The following PID1 variants were observed in gnomAD, a reference collection of about 807,000 sequenced individuals.
PID1 encodes phosphotyrosine interaction domain containing 1, also known as PTB-containing, cubilin and LRP1-interacting protein.
Under a neutral mutation model 19.1 loss-of-function variants are expected in PID1, and 10 were observed. That is an observed-to-expected ratio of 0.52 (90% CI 0.32 to 0.89). PID1 has a LOEUF of 0.89. Ranked by LOEUF, PID1 falls within the 40% of genes least tolerant of loss-of-function variation. The pLI is 0.03. For missense variants in PID1, 248 were observed against 285.3 expected (o/e 0.87, Z 0.94); for synonymous variants, 130 against 116.0 (o/e 1.12, Z -0.78).
intron 2 of PID1, among the ~76,000 whole-genome samples, chr2:229,074,405 G>A (rs1218763017): frequency 1.3e-5 from 2 of 152,038 alleles, no homozygotes; most frequent in Admixed American, 6.6e-5. Flanking sequence ...ATGAGGAAAA[G>A]GGAAGAAGAG....
chr2:229,173,308 G>A lies in PID1; in HGVS notation c.31-17344C>T, dbSNP rs148296354. On this transcript the variant is annotated intron_variant, in intron 1 of 2. Transcript: ENST00000392055. ...TGGTCACCAAAATGCCAATGGTTTC[G>A]ATAAGCAGTTCGGGCTACTCCCAGG... 4.0e-3 allele frequency among the ~76,000 whole-genome samples: 607 copies of A among 152,256 alleles called. 5 individuals are homozygous for A. Among genetic ancestry groups the A allele is most frequent in the African/African-American group, 0.014 (574 of 41,540 alleles).
Position 229,025,503 on chromosome 2 carries a change from T to C in PID1, c.*129A>G. On this transcript the variant is annotated 3_prime_UTR_variant, in exon 3 of 3. Coordinates refer to ENST00000392055, the MANE Select transcript of PID1 (RefSeq NM_001100818.2). ...TTCTTTAGATTTAGAATTGCTCTTC[T>C]GAATTTAAAAACCTTGGTCAGCCAA... 1.4e-6 allele frequency: 1 copy of C among 706,096 alleles called. No individual in the cohort carries two copies. The allele number at this position is 706,096 out of a possible 1,614,324, so 43.7% of individuals were successfully genotyped here. A position where few individuals can be genotyped will look rare whatever the true frequency, so the allele number is the denominator to read the frequency against.
At chr2:229,243,814 T>C (rs1048821124) in intron 1 of PID1, among the ~76,000 whole-genome samples, 1 of 151,778 alleles carries the variant, frequency 6.6e-6, no homozygotes, top group African/African-American at 2.4e-5. Context: ...ATGAAACTCA[T>C]GTATTTTTAC....
intron 2 of PID1, among the ~76,000 whole-genome samples, chr2:229,039,734 T>C (rs1349385608): frequency 1.3e-5 from 2 of 152,136 alleles, no homozygotes; most frequent in African/African-American, 2.4e-5. Flanking sequence ...TAATGAAAAG[T>C]AAAATGTATG....
At chr2:229,070,315 A>C (rs1694426299) in intron 2 of PID1, among the ~76,000 whole-genome samples, 1 of 152,222 alleles carries the variant, frequency 6.6e-6, no homozygotes, top group Admixed American at 6.5e-5. Flanking sequence ...TAAGACTGCT[A>C]CTTAATCTTT....
intron 1 of PID1, among the ~76,000 whole-genome samples, chr2:229,218,079 C>T (rs1345838399): frequency 2.0e-5 from 3 of 151,978 alleles, no homozygotes; most frequent in Non-Finnish European, 4.4e-5. Flanking sequence ...TGTAATAGTC[C>T]TTTACTTTCA....
At chr2:229,123,773 C>A (rs1053543994) in intron 2 of PID1, among the ~76,000 whole-genome samples, 12 of 152,172 alleles carry the variant, frequency 7.9e-5, no homozygotes, top group African/African-American at 2.7e-4. Flanking sequence ...TAAAGATGTT[C>A]ATCATCTTTT....
chr2:229,066,390 C>T (rs936129810), intron 2 of PID1, among the ~76,000 whole-genome samples: 1 of 152,124 alleles, frequency 6.6e-6, no homozygotes, highest in African/African-American at 2.4e-5. Flanking sequence ...TGAAGGAAGC[C>T]ACTCAGAGGA....
chr2:229,113,968 G>A (rs1162062956), intron 2 of PID1, among the ~76,000 whole-genome samples: 2 of 152,246 alleles, frequency 1.3e-5, no homozygotes, highest in Middle Eastern at 3.4e-3. Context: ...ATGGGAGTCA[G>A]TCTCACCCAG....
intron 2 of PID1, among the ~76,000 whole-genome samples, chr2:229,116,606 T>G (rs1244541459): frequency 2.6e-5 from 4 of 152,106 alleles, no homozygotes; most frequent in Non-Finnish European, 4.4e-5. Context: ...TAAATGGGAG[T>G]TCCTCTGCAC....
At chr2:229,264,048 A>G (rs1176782990) in intron 1 of PID1, among the ~76,000 whole-genome samples, 3 of 152,210 alleles carry the variant, frequency 2.0e-5, no homozygotes, top group Non-Finnish European at 2.9e-5. Context: ...CAATTAAATG[A>G]GAGTCTGCTA....
Position 229,025,250 on chromosome 2 carries a change from C to A in PID1, c.*382G>T. 4.9e-6 allele frequency: 1 copy of A among 203,238 alleles called. No individual in the cohort carries two copies. The allele number at this position is 203,238 out of a possible 1,614,324, so 12.6% of individuals were successfully genotyped here. A position where few individuals can be genotyped will look rare whatever the true frequency, so the allele number is the denominator to read the frequency against. Reference sequence around the variant, plus strand: ...CTAGAGATCCCATAGGTGCCCCTAACATTCTTGTGGAATTTCATAAGGCAG... The same window carrying A: ...CTAGAGATCCCATAGGTGCCCCTAAAATTCTTGTGGAATTTCATAAGGCAG... On this transcript the variant is annotated 3_prime_UTR_variant, in exon 3 of 3. Coordinates refer to ENST00000392055, the MANE Select transcript of PID1 (RefSeq NM_001100818.2).
intron 2 of PID1, among the ~76,000 whole-genome samples, chr2:229,150,409 T>C (rs1462541434): frequency 6.6e-6 from 1 of 151,974 alleles, no homozygotes; most frequent in Non-Finnish European, 1.5e-5. Context: ...CCACCAGCCA[T>C]ACGAAAAGGA....
At chr2:229,261,942 C>A (rs1008377125) in intron 1 of PID1, among the ~76,000 whole-genome samples, 1 of 151,436 alleles carries the variant, frequency 6.6e-6, no homozygotes, top group Non-Finnish European at 1.5e-5. Context: ...TAAGAACAGG[C>A]TCTTCACTAA....
chr2:229,027,788 G>C (rs568037546), intron 2 of PID1, among the ~76,000 whole-genome samples: 2 of 152,322 alleles, frequency 1.3e-5, no homozygotes, highest in South Asian at 4.1e-4. Context: ...GGTAGCCTAA[G>C]ACAGCCCTGG....
intron 2 of PID1, among the ~76,000 whole-genome samples, chr2:229,088,792 T>C (rs1021996289): frequency 1.3e-5 from 2 of 152,174 alleles, no homozygotes; most frequent in Admixed American, 1.3e-4. Context: ...TGCTGAGTAA[T>C]TATCAAAAGC....
At chr2:229,247,678 T>C (rs1187955995) in intron 1 of PID1, among the ~76,000 whole-genome samples, 3 of 152,204 alleles carry the variant, frequency 2.0e-5, no homozygotes, top group African/African-American at 4.8e-5. Flanking sequence ...TTTTGCCGGA[T>C]ACTAGGCTCT....
chr2:229,227,500 G>A (rs988767202), intron 1 of PID1, among the ~76,000 whole-genome samples: 3 of 152,184 alleles, frequency 2.0e-5, no homozygotes, highest in African/African-American at 7.2e-5. Flanking sequence ...TTCAGGGGTA[G>A]CAATTATCCA....
chr2:229,143,213 G>A (rs1409642386), intron 2 of PID1, among the ~76,000 whole-genome samples: 1 of 137,778 alleles, frequency 7.3e-6, no homozygotes, highest in Non-Finnish European at 1.6e-5. Flanking sequence ...GGGGGAGGGG[G>A]GAGGGATAGC....
Sources: allele counts gnomAD v4.1 joint callset (sites outside exome capture counted in the v4.1 genomes callset), GRCh38; gene constraint gnomAD v4.1.1; transcripts MANE v1.5; gene names NCBI Gene and HGNC (gene_info 2026-07-23, HGNC 2026-07-21).